Variants in DNAH6 observed in about 807,000 individuals in gnomAD.
DNAH6 encodes axonemal beta dynein heavy chain 6.
In DNAH6, 340 loss-of-function variants were observed where a neutral mutation model predicts 491.4. That is an observed-to-expected ratio of 0.69 (90% CI 0.63 to 0.76). The LOEUF is 0.76. Among genes scored for constraint, DNAH6 ranks in the 30% least tolerant of loss-of-function variants. The probability of loss-of-function intolerance (pLI) is 0.00; values close to 1 mark genes in which losing one functional copy is unlikely to be tolerated. For synonymous variants in DNAH6, 1,603 were observed against 1,686.1 expected, an observed-to-expected ratio of 0.95 and a Z score of 1.21; for missense variants, 4,443 against 4,972.2, an observed-to-expected ratio of 0.89 and a Z score of 3.20.
At chr2:84,586,695 T>C (rs1683589491) in intron 15 of DNAH6, among the ~76,000 whole-genome samples, 1 of 152,152 alleles carries the variant, frequency 6.6e-6, no homozygotes. Context: ...ATTATTCACA[T>C]TTTACAGAAA....
At chr2:84,464,602 A>G in the DNAH6 span, among the ~76,000 whole-genome samples, 1 of 152,234 alleles carries the variant, frequency 6.6e-6, no homozygotes, top group African/African-American at 2.4e-5. Context: ...TTATTTCTTC[A>G]TGATATGCTA....
At chr2:84,503,259 A>C in the DNAH6 span, among the ~76,000 whole-genome samples, 1 of 152,166 alleles carries the variant, frequency 6.6e-6, no homozygotes, top group Non-Finnish European at 1.5e-5. Context: ...AAACAAAGGA[A>C]GAGAAAACTA....
chr2:84,645,509 A>T (rs1287325604), intron 33 of DNAH6, among the ~76,000 whole-genome samples: 1 of 150,462 alleles, frequency 6.6e-6, no homozygotes, highest in Non-Finnish European at 1.5e-5. Flanking sequence ...ATTGATCAGT[A>T]ATGTTGAGCT....
intron 62 of DNAH6, among the ~76,000 whole-genome samples, chr2:84,734,926 G>A (rs1699412158): frequency 6.6e-6 from 1 of 152,026 alleles, no homozygotes; most frequent in Admixed American, 6.5e-5. Flanking sequence ...GAATCAGGGA[G>A]TACGTGTGCT....
At chr2:84,755,944 T>TA (rs869058845) in intron 63 of DNAH6, among the ~76,000 whole-genome samples, 1 of 152,188 alleles carries the variant, frequency 6.6e-6, no homozygotes, top group Admixed American at 6.5e-5. Context: ...CTGATTGTTT[T>TA]AAAAAAGAGG....
At position 84,659,910 on chromosome 2, in the gene DNAH6, A is replaced by T. The variant is rs927386371; in HGVS notation, c.6084+741A>T. On this transcript the variant is annotated intron_variant, in intron 37 of 76. Transcript: ENST00000389394. ...GGCAAGAGGATTTCTTGAGCCCAGG[A>T]ATTTCAGGCTGCACTGAGCTATGAT... Among the ~76,000 whole-genome samples the T allele has an allele frequency of 5.3e-4, 81 of 152,118 alleles. 3 individuals are homozygous for T. Among genetic ancestry groups the T allele is most frequent in the Admixed American group, 5.2e-3 (80 of 15,268 alleles).
chr2:84,481,835 C>T, the DNAH6 span, among the ~76,000 whole-genome samples: 2 of 152,238 alleles, frequency 1.3e-5, no homozygotes, highest in African/African-American at 4.8e-5. Context: ...CATTGCTGAG[C>T]AACACTTTCC....
intron 23 of DNAH6, among the ~76,000 whole-genome samples, chr2:84,618,440 T>C (rs1404328254): frequency 2.0e-5 from 3 of 152,102 alleles, no homozygotes. Context: ...GAAACCTTAC[T>C]GGAAAGAGAT....
At chr2:84,470,946 A>G in the DNAH6 span, among the ~76,000 whole-genome samples, 3 of 152,190 alleles carry the variant, frequency 2.0e-5, no homozygotes, top group African/African-American at 4.8e-5. Flanking sequence ...GAAACAGCTG[A>G]TGAGAATGTG....
chr2:84,688,712 T>A, intron 45 of DNAH6, 119 bp downstream of exon 45: 1 of 739,116 alleles, frequency 1.4e-6, no homozygotes, highest in Non-Finnish European at 2.1e-6. Flanking sequence ...GGTCTTTTAT[T>A]AACTCTCACC....
the DNAH6 span, among the ~76,000 whole-genome samples, chr2:84,472,471 A>G: frequency 6.6e-6 from 1 of 152,108 alleles, no homozygotes; most frequent in Non-Finnish European, 1.5e-5. Context: ...AAATGTGAAT[A>G]GGTATCTACT....
At chr2:84,594,117 A>AT (rs1378648642) in intron 17 of DNAH6, 32 bp downstream of exon 17, 3 of 1,146,182 alleles carry the variant, frequency 2.6e-6, no homozygotes, top group Non-Finnish European at 3.8e-6. Context: ...TTCTCAAATT[A>AT]TTTTTGTATG....
intron 18 of DNAH6, among the ~76,000 whole-genome samples, chr2:84,600,323 A>G (rs538091046): frequency 6.6e-6 from 1 of 152,322 alleles, no homozygotes; most frequent in South Asian, 2.1e-4. Flanking sequence ...TTATTAACAT[A>G]TTACATTAGT....
At chr2:84,546,591 T>A (rs1310907911) in intron 5 of DNAH6, among the ~76,000 whole-genome samples, 3 of 152,200 alleles carry the variant, frequency 2.0e-5, no homozygotes, top group African/African-American at 7.2e-5. Flanking sequence ...TAGCATAGCA[T>A]TTTTAAAAGT....
chr2:84,737,837 G>T (rs1699646060), intron 62 of DNAH6, among the ~76,000 whole-genome samples: 1 of 151,636 alleles, frequency 6.6e-6, no homozygotes, highest in Admixed American at 6.6e-5. Context: ...GTTCATTTCT[G>T]CCCTGATTAT....
chr2:84,576,422 C>T (rs1682452797), intron 12 of DNAH6, among the ~76,000 whole-genome samples: 1 of 152,058 alleles, frequency 6.6e-6, no homozygotes, highest in Non-Finnish European at 1.5e-5. Flanking sequence ...AGGCAGGAAA[C>T]AGCACCCCTT....
At position 84,653,704 on chromosome 2, in the gene DNAH6, C is replaced by G; in HGVS notation, c.5464C>G (p.Arg1822Gly). The G allele has an allele frequency of 1.2e-5, 18 of 1,551,098 alleles. No homozygotes were observed. Among genetic ancestry groups the G allele is most frequent in the Non-Finnish European group, 1.6e-5 (18 of 1,146,670 alleles). ...AGATGGTTTGATGGCACTAAGTGTC[C>G]GAGCAGCTGTGAATGATACTTCAGA... ...WKDGLMALSV[R>G]AAVNDTSEDH... The change falls in exon 34 of 77, where the codon CGA becomes GGA. Residue 1822 changes from arginine to glycine, a missense_variant. By Grantham distance (125) the Arg-to-Gly change is moderately radical. Transcript: ENST00000389394.
chr2:84,700,497 G>A (rs1011354201), intron 48 of DNAH6, among the ~76,000 whole-genome samples: 147 of 152,278 alleles, frequency 9.7e-4, no homozygotes, highest in South Asian at 5.4e-3. Flanking sequence ...AGTAGAATCC[G>A]GTGTGAAATA....
chr2:84,466,921 A>T, the DNAH6 span, among the ~76,000 whole-genome samples: 4 of 152,254 alleles, frequency 2.6e-5, no homozygotes, highest in African/African-American at 9.6e-5. Context: ...ACACTAAGTC[A>T]TATCAAAATT....
Sources: allele counts gnomAD v4.1 joint callset (sites outside exome capture counted in the v4.1 genomes callset), GRCh38; gene constraint gnomAD v4.1.1; transcripts MANE v1.5; gene names NCBI Gene and HGNC (gene_info 2026-07-23, HGNC 2026-07-21).